ZNF521: variants seen among roughly 807,000 people sequenced by gnomAD.
ZNF521 encodes the protein zinc finger protein 521.
ZNF521 carries 14 observed loss-of-function variants against 105.5 expected under a neutral mutation model. The observed-to-expected ratio is 0.13, with a 90% CI of 0.09 to 0.21. The LOEUF (loss-of-function observed/expected upper bound fraction) is 0.21. Among genes scored for constraint, ZNF521 ranks in the 10% least tolerant of loss-of-function variants. The pLI, the probability that ZNF521 is intolerant of heterozygous loss-of-function variation, is 1.00. For synonymous variants in ZNF521, 635 were observed against 606.0 expected (o/e 1.05, Z -0.70); for missense variants, 1,233 against 1,629.7 (o/e 0.76, Z 4.19).
At chr18:25,317,340 T>C (rs1318217146) in intron 3 of ZNF521, among the ~76,000 whole-genome samples, 1 of 152,168 alleles carries the variant, frequency 6.6e-6, no homozygotes, top group Non-Finnish European at 1.5e-5. Flanking sequence ...ATTATTAAAG[T>C]TGTATGAGAC....
intron 2 of ZNF521, among the ~76,000 whole-genome samples, chr18:25,348,454 T>C (rs549121641): frequency 1.3e-5 from 2 of 152,148 alleles, no homozygotes; most frequent in East Asian, 3.9e-4. Flanking sequence ...CATATGAATT[T>C]TTCAAGGCAT....
chr18:25,159,294 T>G (rs2035206049), intron 5 of ZNF521, among the ~76,000 whole-genome samples: 1 of 152,230 alleles, frequency 6.6e-6, no homozygotes, highest in South Asian at 2.1e-4. Flanking sequence ...TTCTTTTTAT[T>G]TTCTTCACAG....
chr18:25,109,512 T>C (rs1213565275), intron 5 of ZNF521, among the ~76,000 whole-genome samples: 1 of 152,172 alleles, frequency 6.6e-6, no homozygotes, highest in Non-Finnish European at 1.5e-5. Context: ...TTTTAATTAT[T>C]TGAGAAATCT....
At chr18:25,140,196 GAATGA>G (rs1197440091) in intron 5 of ZNF521, among the ~76,000 whole-genome samples, 2 of 152,218 alleles carry the variant, frequency 1.3e-5, no homozygotes, top group East Asian at 3.9e-4. Context: ...ATCTACTCCT[GAATGA>G]AATGAAAAGG....
intron 7 of ZNF521, among the ~76,000 whole-genome samples, chr18:25,078,037 A>T (rs1164180035): frequency 6.6e-6 from 1 of 152,194 alleles, no homozygotes; most frequent in African/African-American, 2.4e-5. Flanking sequence ...TCTGGAGAGC[A>T]GAAAATGGTG....
chr18:25,249,147 CTTT>C (rs747508227), intron 3 of ZNF521, among the ~76,000 whole-genome samples: 3 of 144,060 alleles, frequency 2.1e-5, no homozygotes, highest in Admixed American at 7.0e-5. Flanking sequence ...TCTTTACTTT[CTTT>C]TTTTTTTTTT....
intron 2 of ZNF521, chr18:25,327,366 GT>G: frequency 9.9e-7 from 1 of 1,012,698 alleles, no homozygotes; most frequent in Non-Finnish European, 1.2e-6. Flanking sequence ...GTAATTAACT[GT>G]CTAATGATGT....
chr18:25,257,093 A>G (rs887525595), intron 3 of ZNF521, among the ~76,000 whole-genome samples: 1 of 152,140 alleles, frequency 6.6e-6, no homozygotes. Context: ...GCAACGCAGG[A>G]TGGGACTCCC....
chr18:25,302,989 T>A (rs1911726988), intron 3 of ZNF521: 1 of 152,172 alleles, frequency 6.6e-6, no homozygotes, highest in Admixed American at 6.5e-5. Flanking sequence ...GTTGCACACC[T>A]CAAAATATGG....
intron 4 of ZNF521, among the ~76,000 whole-genome samples, chr18:25,222,437 G>C (rs1905789408): frequency 6.6e-6 from 1 of 152,014 alleles, no homozygotes; most frequent in African/African-American, 2.4e-5. Context: ...ATAAATATCA[G>C]AAAATACAAA....
At chr18:25,110,131 A>G (rs920675803) in intron 5 of ZNF521, among the ~76,000 whole-genome samples, 9 of 152,218 alleles carry the variant, frequency 5.9e-5, no homozygotes, top group Admixed American at 5.9e-4. Flanking sequence ...AGACAGGAGA[A>G]AGACAGGAGA....
At chr18:25,305,764 T>C (rs1337367510) in intron 3 of ZNF521, among the ~76,000 whole-genome samples, 1 of 152,204 alleles carries the variant, frequency 6.6e-6, no homozygotes, top group Non-Finnish European at 1.5e-5. Context: ...TATCTCAGGA[T>C]TCTGGAAGAT....
chr18:25,129,718 A>G (rs1230610102), intron 5 of ZNF521, among the ~76,000 whole-genome samples: 2 of 152,094 alleles, frequency 1.3e-5, no homozygotes, highest in Non-Finnish European at 2.9e-5. Context: ...ACAGATGGCA[A>G]ATAGGTACAT....
chr18:25,305,938 T>A (rs111316695), intron 3 of ZNF521, among the ~76,000 whole-genome samples: 16 of 152,354 alleles, frequency 1.1e-4, no homozygotes, highest in Middle Eastern at 3.4e-3. Flanking sequence ...CTCATTTAAT[T>A]GCCACAACCA....
intron 4 of ZNF521, among the ~76,000 whole-genome samples, chr18:25,216,322 A>G (rs372195603): frequency 3.2e-4 from 48 of 152,350 alleles, no homozygotes; most frequent in African/African-American, 1.2e-3. Context: ...GGATTGTTAC[A>G]AACTTCAAAC....
At chr18:25,194,748 C>T (rs8086418) in intron 5 of ZNF521, among the ~76,000 whole-genome samples, 79,614 of 151,316 alleles carry the variant, frequency 0.53, 21,522 homozygotes, top group East Asian at 0.71. Flanking sequence ...AAACTCGCTA[C>T]TTTAGATTTT....
At chr18:25,287,221 T>A (rs951340228) in intron 3 of ZNF521, among the ~76,000 whole-genome samples, 2 of 152,190 alleles carry the variant, frequency 1.3e-5, no homozygotes, top group African/African-American at 4.8e-5. Flanking sequence ...GGAAACTGAC[T>A]CCGTAATCAT....
intron 3 of ZNF521, among the ~76,000 whole-genome samples, chr18:25,312,215 T>C (rs917920723): frequency 2.0e-5 from 3 of 152,168 alleles, no homozygotes; most frequent in African/African-American, 7.2e-5. Context: ...AGATCATCAC[T>C]TATACTGGGA....
intron 5 of ZNF521, among the ~76,000 whole-genome samples, chr18:25,186,904 TAAAA>T (rs113619835): frequency 1.3e-5 from 1 of 74,334 alleles, no homozygotes; most frequent in African/African-American, 4.3e-5. Context: ...AAAGTAATGC[TAAAA>T]AAAAAAAAAA....
Sources: gnomAD v4.1 joint callset for allele counts (sites outside exome capture counted in the v4.1 genomes callset) on GRCh38, gnomAD v4.1.1 for gene constraint, MANE v1.5 for transcripts, NCBI Gene and HGNC (gene_info 2026-07-23, HGNC 2026-07-21) for gene names.